PHF13: variants seen among roughly 807,000 people sequenced by gnomAD.
PHF13 encodes PHD zinc finger protein PHF5.
In PHF13, 1 loss-of-function variant was observed where a neutral mutation model predicts 25.8. The ratio of observed to expected loss-of-function variants is 0.04; its 90% CI spans 0.01 to 0.18. PHF13 has a LOEUF of 0.18. Among genes scored for constraint, PHF13 ranks in the 10% least tolerant of loss-of-function variants. The probability of loss-of-function intolerance (pLI) is 1.00; values close to 1 mark genes in which losing one functional copy is unlikely to be tolerated. For missense variants in PHF13, 306 were observed against 403.2 expected, an observed-to-expected ratio of 0.76 and a Z score of 2.06; for synonymous variants, 195 against 162.4, an observed-to-expected ratio of 1.20 and a Z score of -1.53.
At chr1:6,619,710 T>C in intron 2 of PHF13, 93 bp from the exon 3 acceptor site, 3 of 1,297,750 alleles carry the variant, frequency 2.3e-6, no homozygotes, top group Non-Finnish European at 2.1e-6. Context: ...CAGATGTCTC[T>C]GGAGGTCTGA....
Position 6,621,446 on chromosome 1 carries a change from A to C in PHF13, c.712A>C (p.Met238Leu), listed in dbSNP as rs1557447581. The C allele has an allele frequency of 6.2e-7, 1 of 1,614,090 alleles. No homozygotes were observed. Among genetic ancestry groups the C allele is most frequent in the Non-Finnish European group, 8.5e-7 (1 of 1,180,024 alleles). Reference sequence around the variant, plus strand: ...CTGGGACCTCGTGACCTGCTTCTGCATGAAGCCATTTGCCGGCCGCCCCAT... The same window carrying C: ...CTGGGACCTCGTGACCTGCTTCTGCCTGAAGCCATTTGCCGGCCGCCCCAT... ...DSWDLVTCFC[M>L]KPFAGRPMIE... Residue 238 changes from methionine (M) to leucine (L), a missense_variant, in exon 4 of 4, where the codon ATG (methionine) becomes CTG (leucine). By Grantham distance (15) the Met-to-Leu change is conservative. Coordinates refer to ENST00000377648, the MANE Select transcript of PHF13 (RefSeq NM_153812.3). The surrounding 1 kb of genome is among the most constrained non-coding windows in gnomAD (Gnocchi z 4.8).
rs190788136 is a variant in PHF13, at chr1:6,620,767, C to A, written c.676+430C>A. On this transcript the variant is annotated intron_variant, in intron 3 of 3. Transcript: ENST00000377648. ...GGGCGCAGTGGCTCATGCCTGTAAT[C>A]CCAGCACTTTGGGAGGCCGAGGCAG... Among the ~76,000 whole-genome samples the A allele has an allele frequency of 2.8e-3, 425 of 152,136 alleles. 1 individual carries two copies. The highest frequency in any genetic ancestry group is 9.6e-3 in the African/African-American group (397 of 41,516).
intron 1 of PHF13, 144 bp downstream of exon 1, chr1:6,614,249 C>T (rs111640760): frequency 1.6e-6 from 1 of 638,004 alleles, no homozygotes; most frequent in South Asian, 1.8e-5. Context: ...GGAGCCCAAC[C>T]CCCGCCCCCT....
At position 6,622,441 on chromosome 1, in the gene PHF13, G is replaced by C. The variant is rs547939364; in HGVS notation, c.*804G>C. 2.6e-4 allele frequency: 40 copies of C among 152,720 alleles called. No individual in the cohort carries two copies. Among genetic ancestry groups the C allele is most frequent in the African/African-American group, 9.6e-4 (40 of 41,482 alleles). The allele number at this position is 152,720 out of a possible 1,614,324, so 9.5% of individuals were successfully genotyped here. ...AGTGCCCTCTTAGTTGGTGTGTGAG[G>C]TCTTGGTGGGCTCAGGCCAGCTGTT... On this transcript the variant is annotated 3_prime_UTR_variant, in exon 4 of 4. Coordinates refer to ENST00000377648, the MANE Select transcript of PHF13 (RefSeq NM_153812.3).
In PHF13 at chr1:6,619,658, C is replaced by T. The variant is rs564689596; in HGVS notation, c.142-145C>T. On this transcript the variant is annotated intron_variant, in intron 2 of 3. Coordinates refer to ENST00000377648, the MANE Select transcript of PHF13 (RefSeq NM_153812.3). ...CCAGCCAGAACTCATGTTACTGTTG[C>T]TTCAAGTGTGATGCTGATGGGCAGA... 2.1e-4 allele frequency: 183 copies of T among 855,782 alleles called. 3 individuals are homozygous for T. The South Asian group carries it at 3.0e-3, about 14-fold the overall frequency. 53.0% of individuals were successfully genotyped at this position (855,782 alleles called of 1,614,324 possible).
chr1:6,615,342 G>C lies in PHF13; in HGVS notation c.39+1237G>C, dbSNP rs568384028. Among the ~76,000 whole-genome samples, 79 of 152,330 alleles carry C rather than the reference G, an allele frequency of 5.2e-4. 1 individual carries two copies. The highest frequency in any genetic ancestry group is 1.8e-3 in the African/African-American group (73 of 41,582). ...GGCCCGCGGTTCCCGTGGCTGGGCA[G>C]GCTCGCCAGTGCGGGGAGCGCGGTC... is the stretch of plus-strand genomic sequence containing the variant. On this transcript the variant is annotated intron_variant, in intron 1 of 3. Coordinates refer to ENST00000377648, the MANE Select transcript of PHF13 (RefSeq NM_153812.3).
rs940592510 is a variant in PHF13, at chr1:6,621,340, A to G, written c.677-71A>G. 19 of 1,504,228 alleles carry G rather than the reference A, an allele frequency of 1.3e-5. No individual in the cohort carries two copies. In the African/African-American group the frequency reaches 1.8e-4, roughly 14 times the overall value. 93.2% of individuals were successfully genotyped at this position (1,504,228 alleles called of 1,614,324 possible). On this transcript the variant is annotated intron_variant, in intron 3 of 3. Transcript: ENST00000377648. The surrounding 1 kb of genome is among the most constrained non-coding windows in gnomAD (Gnocchi z 4.8). ...CTCGTCAGTAGAGTTAATGGGTTTC[A>G]TGGAAGCCCAGCTGATGGCGAGGAA...
At position 6,614,056 on chromosome 1, in the gene PHF13, C is replaced by G; in HGVS notation, c.-11C>G. On this transcript the variant is annotated 5_prime_UTR_variant, in exon 1 of 4. Coordinates refer to ENST00000377648, the MANE Select transcript of PHF13 (RefSeq NM_153812.3). ...GCACTCTCGCAGCCGCCGCCGCCCC[C>G]CGCCCGGAACATGGACTCTGACTCT... 6.3e-7 allele frequency: 1 copy of G among 1,593,278 alleles called. No homozygotes were observed. The highest frequency in any genetic ancestry group is 8.5e-7 in the Non-Finnish European group (1 of 1,171,878).
In PHF13 at chr1:6,620,008, TGAA is replaced by T. The variant is rs761286943; in HGVS notation, c.362_364del (p.Lys121del). On this transcript the variant is annotated inframe_deletion, in exon 3 of 4. Coordinates refer to ENST00000377648, the MANE Select transcript of PHF13 (RefSeq NM_153812.3). Reference sequence around the variant, plus strand: ...CTGGACAGAAAGAAAACGGACAAGCTGAAGAAGAAGAAGAAGAGGAAGCGCAGG... The same window carrying T: ...CTGGACAGAAAGAAAACGGACAAGCTGAAGAAGAAGAAGAGGAAGCGCAGG... 5.4e-5 allele frequency: 87 copies of T among 1,611,536 alleles called. No individual in the cohort carries two copies. The highest frequency in any genetic ancestry group is 1.7e-4 in the Middle Eastern group (1 of 6,054).
chr1:6,621,524 C>T lies in PHF13; in HGVS notation c.790C>T (p.Arg264Trp). ...GATTCACCTGTCCTGTGCGAAAATCCGGAAATCCAATGTTCCAGAAGTGTT... is the reference window on the plus strand; with the variant it reads ...GATTCACCTGTCCTGTGCGAAAATCTGGAAATCCAATGTTCCAGAAGTGTT... ...TWIHLSCAKI[R>W]KSNVPEVFVC... Residue 264 changes from arginine to tryptophan, a missense_variant, in exon 4 of 4, where the codon CGG becomes TGG. Transcript: ENST00000377648. The surrounding 1 kb of genome is among the most constrained non-coding windows in gnomAD (Gnocchi z 4.8). 6.2e-7 allele frequency: 1 copy of T among 1,614,156 alleles called. No individual in the cohort carries two copies. The highest frequency in any genetic ancestry group is 8.5e-7 in the Non-Finnish European group (1 of 1,180,026).
At chr1:6,618,486 C>T (rs1641292796) in intron 2 of PHF13, among the ~76,000 whole-genome samples, 1 of 152,108 alleles carries the variant, frequency 6.6e-6, no homozygotes, top group Admixed American at 6.6e-5. Context: ...AGGCTGGTCT[C>T]GAGGTAGTGA....
intron 1 of PHF13, among the ~76,000 whole-genome samples, chr1:6,615,292 C>T (rs185154800): frequency 0.017 from 2,599 of 152,276 alleles, 66 homozygotes; most frequent in African/African-American, 0.058. Flanking sequence ...AAAAGTTCTT[C>T]GCGGGAGTTG....
At position 6,623,280 on chromosome 1, in the gene PHF13, T is replaced by C. The variant is rs1193735060; in HGVS notation, c.*1643T>C. The stretch of plus-strand genomic sequence containing the variant: ...ATTTTTTTAAAAGTTCTGTTGCTTG[T>C]ATTAACACGAAACTAGAGAGAAATA... On this transcript the variant is annotated 3_prime_UTR_variant, in exon 4 of 4. Coordinates refer to ENST00000377648, the MANE Select transcript of PHF13 (RefSeq NM_153812.3). 6.6e-6 allele frequency: 1 copy of C among 152,570 alleles called. No individual in the cohort carries two copies. Among genetic ancestry groups the C allele is most frequent in the Non-Finnish European group, 1.5e-5 (1 of 68,034 alleles). 9.5% of individuals were successfully genotyped at this position (152,570 alleles called of 1,614,324 possible).
chr1:6,613,969 C>A lies in PHF13; in HGVS notation c.-98C>A, dbSNP rs1043409905. 15 of 810,124 alleles carry A rather than the reference C, an allele frequency of 1.9e-5. No homozygotes were observed. Among genetic ancestry groups the A allele is most frequent in the African/African-American group, 1.8e-5 (1 of 54,692 alleles). The allele number at this position is 810,124 out of a possible 1,614,324, so 50.2% of individuals were successfully genotyped here. A position where few individuals can be genotyped will look rare whatever the true frequency, so the allele number is the denominator to read the frequency against. ...GGGCGACCCCTCCCGGGTCCGCCCT[C>A]GCCCTGCGCAGCCGCCCGAGCCCCC... On this transcript the variant is annotated 5_prime_UTR_variant, in exon 1 of 4. Coordinates refer to ENST00000377648, the MANE Select transcript of PHF13 (RefSeq NM_153812.3).
chr1:6,617,137 C>T (rs368587736), intron 2 of PHF13, among the ~76,000 whole-genome samples: 10 of 152,372 alleles, frequency 6.6e-5, no homozygotes, highest in African/African-American at 2.4e-4. Context: ...GAAACTTGCT[C>T]TGTCGCCCAG....
rs1043693622 is a variant in PHF13 at position 6,623,190 on chromosome 1, C to T, written c.*1553C>T. ...CACTGAAGCACCAAGGGGCTTGAACCGTAATTTGGCTAATCAGAGGCATTT... is the reference window on the plus strand; with the variant it reads ...CACTGAAGCACCAAGGGGCTTGAACTGTAATTTGGCTAATCAGAGGCATTT... On this transcript the variant is annotated 3_prime_UTR_variant, in exon 4 of 4. Coordinates refer to ENST00000377648, the MANE Select transcript of PHF13 (RefSeq NM_153812.3). 2.0e-5 allele frequency: 3 copies of T among 152,172 alleles called. No individual in the cohort carries two copies. Among genetic ancestry groups the T allele is most frequent in the Non-Finnish European group, 1.5e-5 (1 of 68,038 alleles). 9.4% of individuals were successfully genotyped at this position (152,172 alleles called of 1,614,324 possible).
chr1:6,614,819 G>C (rs1641233518), intron 1 of PHF13, among the ~76,000 whole-genome samples: 1 of 151,248 alleles, frequency 6.6e-6, no homozygotes, highest in Non-Finnish European at 1.5e-5. Flanking sequence ...TCGGCCCTCG[G>C]GGCTCCCGGC....
chr1:6,621,201 G>GA lies in PHF13; in HGVS notation c.677-196dup, dbSNP rs869279713. On this transcript the variant is annotated intron_variant, in intron 3 of 3. Coordinates refer to ENST00000377648, the MANE Select transcript of PHF13 (RefSeq NM_153812.3). This position sits in a 1 kb window ranked among gnomAD's most constrained non-coding sequence, Gnocchi z 4.8. ...TGACAGAGTGAGACCCTGTCTTAGG[G>GA]AAAAAAAAAAAAAAGTAAGCATCTC... 0.034 allele frequency among the ~76,000 whole-genome samples: 4,925 copies of GA among 144,224 alleles called. 180 individuals carry two copies. Among genetic ancestry groups the GA allele is most frequent in the African/African-American group, 0.095 (3,746 of 39,354 alleles). 94.6% of individuals were successfully genotyped at this position (144,224 alleles called of 152,430 possible). A position where few individuals can be genotyped will look rare whatever the true frequency, so the allele number is the denominator to read the frequency against.
intron 1 of PHF13, among the ~76,000 whole-genome samples, chr1:6,615,307 C>A (rs1397196990): frequency 6.6e-6 from 1 of 152,224 alleles, no homozygotes; most frequent in East Asian, 1.9e-4. Flanking sequence ...GAGTTGGAGG[C>A]CCGGGTGGCG....
Sources: gnomAD v4.1 joint callset for allele counts (sites outside exome capture counted in the v4.1 genomes callset) on GRCh38, gnomAD v4.1.1 for gene constraint, Gnocchi (gnomAD v3.1) non-coding constraint, MANE v1.5 for transcripts, NCBI Gene and HGNC (gene_info 2026-07-23, HGNC 2026-07-21) for gene names.